Variants in PLEKHA7 observed in about 807,000 individuals in gnomAD.
PLEKHA7 encodes the protein pleckstrin homology domain-containing family A member 7.
A neutral mutation model predicts 170.0 loss-of-function variants in PLEKHA7; 104 were observed. That is an observed-to-expected ratio of 0.61 (90% confidence interval 0.52 to 0.72). PLEKHA7 has a LOEUF of 0.72. PLEKHA7 is among the 30% of genes least tolerant of loss of function. The pLI is 0.00. For synonymous variants in PLEKHA7, 648 were observed against 660.8 expected (o/e 0.98, Z 0.30); for missense variants, 1,615 against 1,671.7 (o/e 0.97, Z 0.59).
chr11:16,896,280 G>A (rs943902773), intron 3 of PLEKHA7, among the ~76,000 whole-genome samples: 2 of 152,116 alleles, frequency 1.3e-5, no homozygotes, highest in Non-Finnish European at 2.9e-5. Context: ...CTTGGTGAAG[G>A]TCACCAAGGA....
chr11:16,876,865 C>T (rs563114876), intron 3 of PLEKHA7, among the ~76,000 whole-genome samples: 7 of 152,310 alleles, frequency 4.6e-5, no homozygotes, highest in East Asian at 3.9e-4. Context: ...TTACTTGGCA[C>T]AGCAATTTTT....
chr11:16,895,546 C>T (rs184558772), intron 3 of PLEKHA7, among the ~76,000 whole-genome samples: 1 of 152,300 alleles, frequency 6.6e-6, no homozygotes, highest in African/African-American at 2.4e-5. Flanking sequence ...AGAGAGAGAG[C>T]TCAGTGAATC....
chr11:16,889,665 C>G (rs868064669), intron 3 of PLEKHA7, among the ~76,000 whole-genome samples: 1 of 151,674 alleles, frequency 6.6e-6, no homozygotes, highest in Non-Finnish European at 1.5e-5. Context: ...TTATGTGAAA[C>G]GTCCAAACCT....
intron 3 of PLEKHA7, among the ~76,000 whole-genome samples, chr11:16,887,474 G>A (rs891315551): frequency 1.3e-5 from 2 of 152,148 alleles, no homozygotes; most frequent in African/African-American, 4.8e-5. Context: ...CCGCCATCTC[G>A]GCTCACTGCA....
intron 12 of PLEKHA7, among the ~76,000 whole-genome samples, chr11:16,814,520 GC>G (rs1479889440): frequency 6.6e-6 from 1 of 152,158 alleles, no homozygotes; most frequent in Non-Finnish European, 1.5e-5. Flanking sequence ...ACCCGGGAGG[GC>G]AGCCCCCTAG....
chr11:16,957,693 T>A (rs1277454630), intron 3 of PLEKHA7, among the ~76,000 whole-genome samples: 6 of 127,474 alleles, frequency 4.7e-5, no homozygotes, highest in Non-Finnish European at 6.7e-5. Context: ...TCAATAATTT[T>A]TTTCTTTTTT....
chr11:16,794,749 G>C lies in PLEKHA7; in HGVS notation c.2519-35C>G, dbSNP rs749333557. The C allele has an allele frequency of 1.9e-6, 3 of 1,598,168 alleles. No individual in the cohort carries two copies. In the South Asian group the frequency reaches 3.3e-5, roughly 18 times the overall value. On this transcript the variant is annotated intron_variant, in intron 18 of 26. Coordinates refer to ENST00000531066, the MANE Select transcript of PLEKHA7 (RefSeq NM_001329630.2). ...ATAGAAGGAAACAAAGCACGGGATG[G>C]AACAAAGACCCCCTTCCTTGGAGGA...
At chr11:16,782,927 C>T in intron 25 of PLEKHA7, 31 bp from the exon 26 acceptor site, 4 of 1,531,506 alleles carry the variant, frequency 2.6e-6, no homozygotes, top group Non-Finnish European at 3.5e-6. Flanking sequence ...GACCATGGGC[C>T]CTCCTGCCCT....
intron 11 of PLEKHA7, 63 bp from the exon 12 acceptor site, chr11:16,816,327 A>T: frequency 8.1e-7 from 1 of 1,240,356 alleles, no homozygotes; most frequent in East Asian, 2.4e-5. Flanking sequence ...CTCCCAGGGA[A>T]GCCGCCCCAT....
chr11:16,896,862 T>C (rs1189263852), intron 3 of PLEKHA7, among the ~76,000 whole-genome samples: 3 of 152,206 alleles, frequency 2.0e-5, no homozygotes, highest in Non-Finnish European at 4.4e-5. Flanking sequence ...TGTCCTTATC[T>C]CTCTGGCTTT....
intron 3 of PLEKHA7, among the ~76,000 whole-genome samples, chr11:16,924,452 C>T (rs920392065): frequency 6.6e-6 from 1 of 152,174 alleles, no homozygotes; most frequent in African/African-American, 2.4e-5. Context: ...TCAGACTCTA[C>T]CTGCTGAGAG....
intron 3 of PLEKHA7, among the ~76,000 whole-genome samples, chr11:16,905,097 CA>C (rs1857570757): frequency 6.6e-6 from 1 of 151,960 alleles, no homozygotes; most frequent in African/African-American, 2.4e-5. Context: ...ACCAAAAATA[CA>C]AAAATTAGCT....
At chr11:16,786,797 G>A (rs767508634) in intron 23 of PLEKHA7, 76 of 985,214 alleles carry the variant, frequency 7.7e-5, no homozygotes, top group Admixed American at 2.5e-4. Context: ...GGAAAAACAC[G>A]CCCTTCAAGG....
chr11:16,890,274 T>C (rs137862924), intron 3 of PLEKHA7, among the ~76,000 whole-genome samples: 172 of 152,264 alleles, frequency 1.1e-3, no homozygotes, highest in African/African-American at 3.8e-3. Context: ...GTAACAATAT[T>C]ATAACAAGAA....
At position 16,817,637 on chromosome 11, in the gene PLEKHA7, T is replaced by C. The variant is rs1475457220; in HGVS notation, c.1344-315A>G. ...CAGCAGTCAGCTCTTTCAATGGCTA[T>C]GCATATTTATAGGAAAGGCCTCACA... On this transcript the variant is annotated intron_variant, in intron 10 of 26. Transcript: ENST00000531066. The surrounding 1 kb of genome is among the most constrained non-coding windows in gnomAD (Gnocchi z 4.4). Among the ~76,000 whole-genome samples the C allele has an allele frequency of 1.3e-5, 2 of 152,206 alleles. No homozygotes were observed. The highest frequency in any genetic ancestry group is 2.4e-5 in the African/African-American group (1 of 41,436).
chr11:17,008,578 G>A (rs952931952), intron 3 of PLEKHA7, among the ~76,000 whole-genome samples: 3 of 152,132 alleles, frequency 2.0e-5, no homozygotes, highest in African/African-American at 7.2e-5. Context: ...CCAAGACCTG[G>A]AATACCTAGA....
At position 16,817,180 on chromosome 11, in the gene PLEKHA7, T is replaced by C; in HGVS notation, c.1486A>G (p.Lys496Glu). Residue 496 changes from lysine to glutamate, a missense_variant, in exon 11 of 27, where the codon AAG becomes GAG. Lys to Glu is a moderately conservative substitution (Grantham distance 56). Coordinates refer to ENST00000531066, the MANE Select transcript of PLEKHA7 (RefSeq NM_001329630.2). This position sits in a 1 kb window ranked among gnomAD's most constrained non-coding sequence, Gnocchi z 4.4. ...TGGCTGGCTCGGTCCTGCGCATACTTGTAGTCACTTGGCAGGTTTCGGGGA... is the reference window on the plus strand; with the variant it reads ...TGGCTGGCTCGGTCCTGCGCATACTCGTAGTCACTTGGCAGGTTTCGGGGA... ...PPPRNLPSDYKYAQDRASHLK... is the reference protein window; with the variant it reads ...PPPRNLPSDYEYAQDRASHLK... 1 of 1,614,124 alleles carries C rather than the reference T, an allele frequency of 6.2e-7. No homozygotes were observed. The highest frequency in any genetic ancestry group is 1.6e-4 in the Middle Eastern group (1 of 6,062).
At chr11:16,918,177 C>T (rs1208841242) in intron 3 of PLEKHA7, among the ~76,000 whole-genome samples, 2 of 152,170 alleles carry the variant, frequency 1.3e-5, no homozygotes, top group African/African-American at 4.8e-5. Flanking sequence ...CATCACAACA[C>T]GGACAGAAGC....
chr11:16,966,594 A>G (rs1259918590), intron 3 of PLEKHA7, among the ~76,000 whole-genome samples: 1 of 152,140 alleles, frequency 6.6e-6, no homozygotes, highest in Non-Finnish European at 1.5e-5. Flanking sequence ...ACTGAGATCC[A>G]GGGCCTCTAA....
Sources: allele counts gnomAD v4.1 joint callset (sites outside exome capture counted in the v4.1 genomes callset), GRCh38; gene constraint gnomAD v4.1.1; non-coding constraint Gnocchi (gnomAD v3.1); transcripts MANE v1.5; gene names NCBI Gene and HGNC (gene_info 2026-07-23, HGNC 2026-07-21).